Variants in MACROD2 observed in about 807,000 individuals in gnomAD.
MACROD2 encodes ADP-ribose glycohydrolase MACROD2.
In MACROD2, 36 loss-of-function variants were observed where a neutral mutation model predicts 70.4. The ratio of observed to expected loss-of-function variants is 0.51; its 90% CI spans 0.39 to 0.68. MACROD2 has a LOEUF of 0.68. Among genes scored for constraint, MACROD2 ranks in the 30% least tolerant of loss-of-function variants. MACROD2 has a pLI of 0.00. For synonymous variants in MACROD2, 172 were observed against 178.8 expected (o/e 0.96, Z 0.30); for missense variants, 496 against 538.4 (o/e 0.92, Z 0.78).
At chr20:14,227,511 C>T (rs144549197) in intron 3 of MACROD2, among the ~76,000 whole-genome samples, 1 of 152,086 alleles carries the variant, frequency 6.6e-6, no homozygotes, top group African/African-American at 2.4e-5. Flanking sequence ...ACACTCGCCG[C>T]CAAGGTCTGC....
At chr20:14,014,185 T>G (rs553607652) in intron 2 of MACROD2, among the ~76,000 whole-genome samples, 54 of 152,284 alleles carry the variant, frequency 3.5e-4, no homozygotes, top group Middle Eastern at 3.4e-3. Flanking sequence ...GGTTACAGAT[T>G]GGTGGTAGCC....
At chr20:14,959,005 C>T (rs1368825886) in intron 5 of MACROD2, among the ~76,000 whole-genome samples, 2 of 152,116 alleles carry the variant, frequency 1.3e-5, no homozygotes, top group Admixed American at 1.3e-4. Flanking sequence ...CCTAGTTGCC[C>T]TCTAAATGAT....
chr20:15,636,076 G>GAAAAAAAAAAA (rs57402806), intron 8 of MACROD2, among the ~76,000 whole-genome samples: 1,543 of 85,730 alleles, frequency 0.018, 144 homozygotes, highest in Non-Finnish European at 0.024. Flanking sequence ...CCTCTCAAAA[G>GAAAAAAAAAAA]AAAAAAAAAA....
At chr20:14,267,840 G>A (rs2082156375) in intron 3 of MACROD2, among the ~76,000 whole-genome samples, 1 of 151,950 alleles carries the variant, frequency 6.6e-6, no homozygotes, top group South Asian at 2.1e-4. Flanking sequence ...CAATAGAAGT[G>A]AATTGAAAAT....
chr20:15,961,179 A>G (rs1354605088), intron 12 of MACROD2, among the ~76,000 whole-genome samples: 1 of 152,186 alleles, frequency 6.6e-6, no homozygotes, highest in Non-Finnish European at 1.5e-5. Flanking sequence ...AAAAAAACAG[A>G]AAAAGTAAGC....
At chr20:15,986,649 C>A in intron 13 of MACROD2, 78 bp from the exon 14 acceptor site, 1 of 1,102,644 alleles carries the variant, frequency 9.1e-7, no homozygotes, top group Admixed American at 2.2e-5. Context: ...GATTAAAGCA[C>A]GGTTTCTGAA....
At chr20:14,665,111 T>C (rs1028784106) in intron 4 of MACROD2, among the ~76,000 whole-genome samples, 5 of 152,184 alleles carry the variant, frequency 3.3e-5, no homozygotes, top group African/African-American at 1.2e-4. Context: ...TACAGGTGAC[T>C]CTGATGCCAT....
At chr20:14,049,174 T>TAAAAAAAAAAAAAAAAAAAAAA (rs71335946) in intron 2 of MACROD2, among the ~76,000 whole-genome samples, 4 of 69,784 alleles carry the variant, frequency 5.7e-5, no homozygotes, top group Non-Finnish European at 1.3e-4. Flanking sequence ...ATATATTTAA[T>TAAAAAAAAAAAAAAAAAAAAAA]AAAAAAAAAA....
chr20:14,424,883 A>C (rs2083916629), intron 3 of MACROD2, among the ~76,000 whole-genome samples: 1 of 152,224 alleles, frequency 6.6e-6, no homozygotes, highest in Non-Finnish European at 1.5e-5. Context: ...TTTTAGAGGA[A>C]CTATAATATT....
chr20:14,407,308 C>T (rs1159431207), intron 3 of MACROD2, among the ~76,000 whole-genome samples: 1 of 152,066 alleles, frequency 6.6e-6, no homozygotes, highest in Admixed American at 6.6e-5. Context: ...CTCCCTCCCC[C>T]TGGCATCTCC....
intron 8 of MACROD2, among the ~76,000 whole-genome samples, chr20:15,745,797 A>G (rs1032690156): frequency 6.6e-6 from 1 of 152,074 alleles, no homozygotes; most frequent in Non-Finnish European, 1.5e-5. Flanking sequence ...CCAGCATAAT[A>G]TATTGAAAAG....
chr20:15,000,491 C>T (rs976572914), intron 5 of MACROD2, among the ~76,000 whole-genome samples: 1 of 144,126 alleles, frequency 6.9e-6, no homozygotes, highest in Non-Finnish European at 1.5e-5. Flanking sequence ...GGCGCGGTGG[C>T]GGGCGCCTGT....
At chr20:14,717,274 C>T (rs1484698369) in intron 5 of MACROD2, among the ~76,000 whole-genome samples, 1 of 152,012 alleles carries the variant, frequency 6.6e-6, no homozygotes, top group African/African-American at 2.4e-5. Flanking sequence ...AGTTCGTTTC[C>T]TGGTGCAGTC....
At chr20:14,801,715 T>A (rs1190874719) in intron 5 of MACROD2, among the ~76,000 whole-genome samples, 1 of 152,050 alleles carries the variant, frequency 6.6e-6, no homozygotes, top group Non-Finnish European at 1.5e-5. Flanking sequence ...TTTGGCTTCA[T>A]CTGTGGTGCT....
intron 5 of MACROD2, among the ~76,000 whole-genome samples, chr20:14,745,235 A>G (rs2071784794): frequency 6.6e-6 from 1 of 152,158 alleles, no homozygotes; most frequent in Non-Finnish European, 1.5e-5. Context: ...ATATCCAACT[A>G]AAAAAATTAG....
chr20:13,996,035 A>G (rs952264261), intron 1 of MACROD2, among the ~76,000 whole-genome samples: 8 of 152,112 alleles, frequency 5.3e-5, no homozygotes, highest in Admixed American at 2.0e-4. Context: ...GTGTGGGCGC[A>G]CGCCCCTCTC....
At chr20:15,816,906 G>A (rs1482714217) in intron 8 of MACROD2, among the ~76,000 whole-genome samples, 1 of 152,208 alleles carries the variant, frequency 6.6e-6, no homozygotes, top group Non-Finnish European at 1.5e-5. Flanking sequence ...CCTGATGGTA[G>A]AGACTTTGTC....
At chr20:15,053,131 T>C (rs1244618870) in intron 5 of MACROD2, among the ~76,000 whole-genome samples, 1 of 152,188 alleles carries the variant, frequency 6.6e-6, no homozygotes, top group East Asian at 1.9e-4. Context: ...AAAGAAGCCA[T>C]CTCTGTAACA....
intron 5 of MACROD2, chr20:14,934,792 A>T (rs1348147487): frequency 6.6e-6 from 1 of 152,104 alleles, no homozygotes; most frequent in African/African-American, 2.4e-5. Flanking sequence ...TCTCCAAAAA[A>T]CAAGATAATA....
Sources: allele counts gnomAD v4.1 joint callset (sites outside exome capture counted in the v4.1 genomes callset), GRCh38; gene constraint gnomAD v4.1.1; transcripts MANE v1.5; gene names NCBI Gene and HGNC (gene_info 2026-07-23, HGNC 2026-07-21).